MAGI2: variants seen among roughly 807,000 people sequenced by gnomAD.
MAGI2 encodes membrane-associated guanylate kinase, WW and PDZ domain-containing protein 2.
A neutral mutation model predicts 133.3 loss-of-function variants in MAGI2; 35 were observed. That is an observed-to-expected ratio of 0.26 (90% CI 0.20 to 0.35). The LOEUF (loss-of-function observed/expected upper bound fraction) is 0.35, where lower values mean the gene tolerates loss of function less well. Among genes scored for constraint, MAGI2 ranks in the 10% least tolerant of loss-of-function variants. The pLI, the probability that MAGI2 is intolerant of heterozygous loss-of-function variation, is 1.00. For synonymous variants in MAGI2, 729 were observed against 710.6 expected (o/e 1.03, Z -0.41); for missense variants, 1,636 against 1,863.4 (o/e 0.88, Z 2.25).
intron 3 of MAGI2, among the ~76,000 whole-genome samples, chr7:78,531,780 T>G (rs534252087): frequency 2.8e-4 from 42 of 152,280 alleles, no homozygotes; most frequent in Non-Finnish European, 4.9e-4. Flanking sequence ...TGCTTTCAAT[T>G]GTGATATTAT....
rs78854972 is a variant in MAGI2 at position 78,226,042 on chromosome 7, T to C, written c.2048-24849A>G. Among the ~76,000 whole-genome samples, 12 of 152,318 alleles carry C rather than the reference T, an allele frequency of 7.9e-5. No homozygotes were observed. In the East Asian group the frequency reaches 2.3e-3, roughly 29 times the overall value. ...GCCAAATGTTTGTAAAGAAAATTAT[T>C]AGAAAATTAAAAGAGAAAAATATAA... is the stretch of plus-strand genomic sequence containing the variant. On this transcript the variant is annotated intron_variant, in intron 10 of 21. Coordinates refer to ENST00000354212, the MANE Select transcript of MAGI2 (RefSeq NM_012301.4).
At chr7:78,844,921 C>T (rs1792462262) in intron 2 of MAGI2, among the ~76,000 whole-genome samples, 1 of 151,882 alleles carries the variant, frequency 6.6e-6, no homozygotes, top group African/African-American at 2.4e-5. Flanking sequence ...GATGCCATCT[C>T]CAAGAAAGGA....
chr7:79,442,208 C>A (rs1848537671), intron 1 of MAGI2, among the ~76,000 whole-genome samples: 1 of 152,068 alleles, frequency 6.6e-6, no homozygotes, highest in African/African-American at 2.4e-5. Context: ...ACATAGAAAT[C>A]ATTTAGGTGC....
intron 9 of MAGI2, among the ~76,000 whole-genome samples, chr7:78,331,610 T>C (rs1280755135): frequency 5.9e-5 from 9 of 152,214 alleles, no homozygotes; most frequent in African/African-American, 1.9e-4. Context: ...CCTACTCCTA[T>C]ACTATTAAGT....
intron 2 of MAGI2, among the ~76,000 whole-genome samples, chr7:78,869,630 GT>G (rs1379871743): frequency 6.6e-6 from 1 of 152,182 alleles, no homozygotes; most frequent in Non-Finnish European, 1.5e-5. Flanking sequence ...AAGCAATTAT[GT>G]CTTCACAAGG....
At chr7:79,162,994 T>TA (rs1402186407) in intron 1 of MAGI2, among the ~76,000 whole-genome samples, 2 of 151,940 alleles carry the variant, frequency 1.3e-5, no homozygotes, top group East Asian at 3.9e-4. Flanking sequence ...CCCTCTGCCA[T>TA]AGGGAGTCCT....
chr7:78,733,631 AATAC>A (rs1486042505), intron 2 of MAGI2, among the ~76,000 whole-genome samples: 1 of 152,200 alleles, frequency 6.6e-6, no homozygotes, highest in Non-Finnish European at 1.5e-5. Flanking sequence ...ATCCTAAAAT[AATAC>A]ATACAGCATT....
At chr7:78,050,741 G>C (rs1563054751) in intron 21 of MAGI2, among the ~76,000 whole-genome samples, 1 of 151,998 alleles carries the variant, frequency 6.6e-6, no homozygotes, top group African/African-American at 2.4e-5. Context: ...AGGCATTCTC[G>C]GGGGCCTGTC....
intron 6 of MAGI2, among the ~76,000 whole-genome samples, chr7:78,380,698 G>A (rs1020059966): frequency 9.2e-5 from 14 of 152,070 alleles, no homozygotes; most frequent in African/African-American, 3.4e-4. Flanking sequence ...GGAGACTATA[G>A]TCAACAATAT....
chr7:79,225,469 A>G (rs564303463), intron 1 of MAGI2, among the ~76,000 whole-genome samples: 37 of 152,322 alleles, frequency 2.4e-4, no homozygotes, highest in African/African-American at 8.4e-4. Flanking sequence ...ACTGTCACAC[A>G]GTCTAATTAT....
chr7:79,007,069 A>G (rs1807528534), intron 2 of MAGI2, 21 bp downstream of exon 2: 4 of 1,461,038 alleles, frequency 2.7e-6, no homozygotes, highest in Middle Eastern at 1.8e-4. Context: ...TAAAAATATT[A>G]ATACTGCCCA....
intron 1 of MAGI2, among the ~76,000 whole-genome samples, chr7:79,192,186 C>T (rs1419755271): frequency 2.6e-5 from 4 of 151,738 alleles, no homozygotes; most frequent in African/African-American, 7.3e-5. Context: ...AACTTATCAC[C>T]ATTTGACGTA....
intron 1 of MAGI2, among the ~76,000 whole-genome samples, chr7:79,238,824 T>C (rs1832147336): frequency 6.6e-6 from 1 of 152,142 alleles, no homozygotes; most frequent in South Asian, 2.1e-4. Flanking sequence ...TCTTTTAAGG[T>C]ATTACTAATA....
In MAGI2 at chr7:79,211,391, C is replaced by T. The variant is rs577012263; in HGVS notation, c.302-204185G>A. Among the ~76,000 whole-genome samples, 24 of 152,066 alleles carry T rather than the reference C, an allele frequency of 1.6e-4. No individual in the cohort carries two copies. In the South Asian group the frequency reaches 1.9e-3, roughly 12 times the overall value. Reference sequence around the variant, plus strand: ...TCCCGGTTCAAGTGATCTCCTCTCACGTCAGCCTCCTGCGTAGCTGAGACT... The same window carrying T: ...TCCCGGTTCAAGTGATCTCCTCTCATGTCAGCCTCCTGCGTAGCTGAGACT... On this transcript the variant is annotated intron_variant, in intron 1 of 21. Transcript: ENST00000354212.
chr7:79,101,888 C>T (rs1818017314), intron 1 of MAGI2, among the ~76,000 whole-genome samples: 1 of 151,504 alleles, frequency 6.6e-6, no homozygotes, highest in African/African-American at 2.4e-5. Flanking sequence ...TCATATATTT[C>T]ATAATTTATA....
chr7:79,180,298 G>GT (rs1354000449), intron 1 of MAGI2, among the ~76,000 whole-genome samples: 1 of 152,006 alleles, frequency 6.6e-6, no homozygotes, highest in African/African-American at 2.4e-5. Flanking sequence ...TCATGCTGCT[G>GT]TAAAGACATA....
At chr7:79,028,249 A>ATATATATATATGTATG (rs1810137459) in intron 1 of MAGI2, among the ~76,000 whole-genome samples, 1 of 28,732 alleles carries the variant, frequency 3.5e-5, no homozygotes, top group African/African-American at 1.0e-4. Context: ...ATATATATAT[A>ATATATATATATGTATG]TATATATATA....
At chr7:78,448,003 A>G (rs1036288975) in intron 6 of MAGI2, among the ~76,000 whole-genome samples, 4 of 152,074 alleles carry the variant, frequency 2.6e-5, no homozygotes, top group African/African-American at 9.7e-5. Context: ...TCTACATATA[A>G]GTTAGATCAC....
At chr7:79,130,210 A>G (rs1820807324) in intron 1 of MAGI2, among the ~76,000 whole-genome samples, 2 of 151,534 alleles carry the variant, frequency 1.3e-5, no homozygotes, top group African/African-American at 2.4e-5. Context: ...GATCCTAGCT[A>G]CTCTGGAGGC....
Sources: gnomAD v4.1 joint callset for allele counts (sites outside exome capture counted in the v4.1 genomes callset) on GRCh38, gnomAD v4.1.1 for gene constraint, MANE v1.5 for transcripts, NCBI Gene and HGNC (gene_info 2026-07-23, HGNC 2026-07-21) for gene names.